Variants in TLK1 observed in about 807,000 individuals in gnomAD.
TLK1 encodes serine/threonine-protein kinase tousled-like 1.
In TLK1, 24 loss-of-function variants were observed where a neutral mutation model predicts 105.3. The observed-to-expected ratio is 0.23, with a 90% CI of 0.17 to 0.32. TLK1 has a LOEUF of 0.32. Among genes scored for constraint, TLK1 ranks in the 10% least tolerant of loss-of-function variants. The probability of loss-of-function intolerance (pLI) is 1.00; values close to 1 mark genes in which losing one functional copy is unlikely to be tolerated. For missense variants in TLK1, 558 were observed against 910.5 expected (o/e 0.61, Z 4.98); for synonymous variants, 321 against 310.4 (o/e 1.03, Z -0.36).
intron 12 of TLK1, among the ~76,000 whole-genome samples, chr2:171,024,845 T>G (rs2105387850): frequency 6.6e-6 from 1 of 152,322 alleles, no homozygotes; most frequent in Non-Finnish European, 1.5e-5. Context: ...ATTATGCCTG[T>G]GTCAGGCAGA....
intron 1 of TLK1, among the ~76,000 whole-genome samples, chr2:171,220,010 G>T (rs959198152): frequency 6.6e-6 from 1 of 152,012 alleles, no homozygotes; most frequent in East Asian, 1.9e-4. Context: ...TGGGGGTTAG[G>T]GTTTCAACAT....
rs182028555 is a variant in TLK1 at position 171,178,387 on chromosome 2, T to A, written c.-6+52758A>T. ...AGTTTCCACAGATATGCTTCTTGATTTCTGGATGGAATGTCATGGAGCTTT... is the reference window on the plus strand; with the variant it reads ...AGTTTCCACAGATATGCTTCTTGATATCTGGATGGAATGTCATGGAGCTTT... On this transcript the variant is annotated intron_variant, in intron 1 of 20. Coordinates refer to the TLK1 transcript ENST00000521943. Among the ~76,000 whole-genome samples the A allele has an allele frequency of 4.2e-4, 64 of 152,308 alleles. No homozygotes were observed. In the South Asian group the frequency reaches 0.013, roughly 31 times the overall value.
chr2:170,995,059 T>C (rs1475954118), intron 20 of TLK1, among the ~76,000 whole-genome samples: 1 of 152,198 alleles, frequency 6.6e-6, no homozygotes, highest in East Asian at 1.9e-4. Context: ...CATTTTACCA[T>C]AGCTTACTGT....
intron 1 of TLK1, among the ~76,000 whole-genome samples, chr2:171,143,505 C>CA (rs1691669418): frequency 1.9e-5 from 1 of 52,418 alleles, no homozygotes; most frequent in South Asian, 9.3e-4. Context: ...GACTCTATCT[C>CA]CAAAAAAAAA....
chr2:171,104,273 T>C (rs1473200155), intron 2 of TLK1, among the ~76,000 whole-genome samples: 2 of 133,114 alleles, frequency 1.5e-5, no homozygotes, highest in Non-Finnish European at 3.2e-5. Context: ...TGAGATTCTG[T>C]CTCAAAAAAA....
At chr2:171,051,143 A>G (rs555776585) in intron 8 of TLK1, among the ~76,000 whole-genome samples, 1 of 152,318 alleles carries the variant, frequency 6.6e-6, no homozygotes, top group African/African-American at 2.4e-5. Context: ...CTGTGTGTGT[A>G]TGATGCATAT....
rs1277742485 is a variant in TLK1, at chr2:171,063,352, A to G, written c.331-2196T>C. Among the ~76,000 whole-genome samples the G allele has an allele frequency of 2.6e-5, 4 of 152,298 alleles. No individual in the cohort carries two copies. In the East Asian group the frequency reaches 7.7e-4, roughly 29 times the overall value. On this transcript the variant is annotated intron_variant, in intron 3 of 20. Transcript: ENST00000431350. ...CACAGCGAGACTCCATCTCAAAAAC[A>G]AAAGAACCCCAAGTCTACGTTAAAA...
chr2:171,045,325 G>C (rs1686903556), intron 11 of TLK1: 1 of 150,016 alleles, frequency 6.7e-6, no homozygotes, highest in Non-Finnish European at 1.5e-5. Context: ...CGCCTCTCAA[G>C]TTCAAGCAAT....
At chr2:171,064,885 GA>G (rs1466796396) in intron 3 of TLK1, among the ~76,000 whole-genome samples, 1 of 152,096 alleles carries the variant, frequency 6.6e-6, no homozygotes, top group Non-Finnish European at 1.5e-5. Context: ...AAAGTTTGTT[GA>G]AAAAACACAA....
At chr2:171,175,058 C>G (rs1009047618) in intron 1 of TLK1, among the ~76,000 whole-genome samples, 1 of 151,918 alleles carries the variant, frequency 6.6e-6, no homozygotes, top group Non-Finnish European at 1.5e-5. Flanking sequence ...GGCAAGGCCC[C>G]GTCTCTATAC....
At chr2:170,999,119 A>G (rs1481691250) in intron 18 of TLK1, among the ~76,000 whole-genome samples, 1 of 152,256 alleles carries the variant, frequency 6.6e-6, no homozygotes, top group East Asian at 1.9e-4. Flanking sequence ...ATCTCCAGTT[A>G]TAAGTAAAAG....
intron 1 of TLK1, among the ~76,000 whole-genome samples, chr2:171,148,890 AATAT>A (rs869170908): frequency 1.0e-4 from 14 of 138,454 alleles, no homozygotes; most frequent in African/African-American, 2.4e-4. Context: ...AAAAAAAAAA[AATAT>A]ATATATATAT....
At chr2:171,084,932 A>G (rs1263813580) in intron 2 of TLK1, among the ~76,000 whole-genome samples, 1 of 152,218 alleles carries the variant, frequency 6.6e-6, no homozygotes, top group African/African-American at 2.4e-5. Flanking sequence ...GATAACCAGA[A>G]GGCAAAAAAC....
At chr2:171,115,654 G>C (rs1690391533) in intron 2 of TLK1, among the ~76,000 whole-genome samples, 1 of 152,128 alleles carries the variant, frequency 6.6e-6, no homozygotes, top group African/African-American at 2.4e-5. Context: ...ACCAACAGTT[G>C]CATGTCTAGA....
intron 1 of TLK1, among the ~76,000 whole-genome samples, chr2:171,212,079 C>T (rs1693627449): frequency 6.7e-6 from 1 of 150,090 alleles, no homozygotes; most frequent in Non-Finnish European, 1.5e-5. Flanking sequence ...CTCCTGACTT[C>T]AGGTGATCCA....
chr2:171,060,482 T>C (rs909735058), intron 4 of TLK1, among the ~76,000 whole-genome samples: 3 of 152,200 alleles, frequency 2.0e-5, no homozygotes, highest in Admixed American at 6.5e-5. Flanking sequence ...TGGCTAAAGA[T>C]TGGCTCCAAC....
intron 2 of TLK1, among the ~76,000 whole-genome samples, chr2:171,092,127 C>T (rs1689264155): frequency 6.6e-6 from 1 of 152,032 alleles, no homozygotes; most frequent in African/African-American, 2.4e-5. Context: ...TCCTGTGCAA[C>T]TCTGGTCTTC....
intron 1 of TLK1, among the ~76,000 whole-genome samples, chr2:171,226,844 T>A (rs1179075576): frequency 6.6e-6 from 1 of 152,182 alleles, no homozygotes; most frequent in Non-Finnish European, 1.5e-5. Context: ...TGTAAAATAA[T>A]CAATTTATTT....
At chr2:171,184,660 G>GA (rs60949026) in intron 1 of TLK1, among the ~76,000 whole-genome samples, 6,203 of 133,372 alleles carry the variant, frequency 0.047, 415 homozygotes, top group East Asian at 0.29. Flanking sequence ...AAAAAAAAAA[G>GA]AAAGAAAACT....
Sources: gnomAD v4.1 joint callset for allele counts (sites outside exome capture counted in the v4.1 genomes callset) on GRCh38, gnomAD v4.1.1 for gene constraint, MANE v1.5 for transcripts, NCBI Gene and HGNC (gene_info 2026-07-23, HGNC 2026-07-21) for gene names.